ADAM7: variants seen among roughly 807,000 people sequenced by gnomAD.
ADAM7 encodes the protein disintegrin and metalloproteinase domain-containing protein 7.
In ADAM7, 97 loss-of-function variants were observed where a neutral mutation model predicts 102.9. The observed-to-expected ratio is 0.94, with a 90% CI of 0.80 to 1.12. The LOEUF (loss-of-function observed/expected upper bound fraction) is 1.12. ADAM7 is among the 50% of genes most tolerant of loss of function. ADAM7 has a pLI of 0.00. For synonymous variants in ADAM7, 334 were observed against 304.4 expected, an observed-to-expected ratio of 1.10 and a Z score of -1.01; for missense variants, 991 against 908.7, an observed-to-expected ratio of 1.09 and a Z score of -1.16.
chr8:24,500,672 G>A (rs924269170), intron 18 of ADAM7, 118 bp from the exon 19 acceptor site: 14 of 727,040 alleles, frequency 1.9e-5, no homozygotes, highest in Non-Finnish European at 2.9e-5. Flanking sequence ...GAGAGGAAAG[G>A]AGAATTGAAG....
chr8:24,468,825 G>A lies in ADAM7; in HGVS notation c.633+5G>A. On this transcript the variant is annotated splice_donor_5th_base_variant and intron_variant, in intron 7 of 21. Coordinates refer to ENST00000175238, the MANE Select transcript of ADAM7 (RefSeq NM_003817.4). ...ATTGTTGCTGATGATACTGTGGTAAGTTTTCAATAGAACATTTCTCTCTTT... is the reference window on the plus strand; with the variant it reads ...ATTGTTGCTGATGATACTGTGGTAAATTTTCAATAGAACATTTCTCTCTTT... 6.2e-7 allele frequency: 1 copy of A among 1,608,952 alleles called. No homozygotes were observed.
chr8:24,445,680 G>A (rs1207486474), intron 2 of ADAM7, among the ~76,000 whole-genome samples: 1 of 152,184 alleles, frequency 6.6e-6, no homozygotes, highest in Non-Finnish European at 1.5e-5. Context: ...AAAACACCAT[G>A]CTTGCTATGG....
At chr8:24,457,904 A>G (rs559801742) in intron 3 of ADAM7, among the ~76,000 whole-genome samples, 19 of 150,118 alleles carry the variant, frequency 1.3e-4, no homozygotes, top group African/African-American at 4.4e-4. Flanking sequence ...TTTGCTGGAG[A>G]AGTCAATATT....
In ADAM7 at chr8:24,445,610, G is replaced by A. The variant is rs530520705; in HGVS notation, c.157-1576G>A. Among the ~76,000 whole-genome samples the A allele has an allele frequency of 1.7e-4, 26 of 152,244 alleles. 1 individual carries two copies. The highest frequency in any genetic ancestry group is 7.9e-4 in the Admixed American group (12 of 15,282). On this transcript the variant is annotated intron_variant, in intron 2 of 21. Coordinates refer to ENST00000175238, the MANE Select transcript of ADAM7 (RefSeq NM_003817.4). ...TCTGCATTCATCAACAGCCTTAAATGGTTTTCCTGGCTATAGTACTGAGTT... is the reference window on the plus strand; with the variant it reads ...TCTGCATTCATCAACAGCCTTAAATAGTTTTCCTGGCTATAGTACTGAGTT...
intron 7 of ADAM7, among the ~76,000 whole-genome samples, chr8:24,473,984 T>C (rs1454478259): frequency 1.3e-5 from 2 of 152,080 alleles, no homozygotes; most frequent in Non-Finnish European, 2.9e-5. Flanking sequence ...ATAAAGTATA[T>C]TTACCAAACT....
Position 24,485,339 on chromosome 8 carries a change from A to G in ADAM7, c.938A>G (p.Tyr313Cys). 3 of 1,613,616 alleles carry G rather than the reference A, an allele frequency of 1.9e-6. No individual in the cohort carries two copies. The African/African-American group carries it at 4.0e-5, about 22-fold the overall frequency. Residue 313 changes from tyrosine to cysteine, a missense_variant, in exon 10 of 22, where the codon TAT (tyrosine) becomes TGT (cysteine). Tyr to Cys is a radical substitution (Grantham distance 194). Transcript: ENST00000175238. ...TATCCAGGGGGTATGTGCCTGCCCT[A>G]TTATTCCACCAGTATCATTAAGGTG... ...ISYPGGMCLP[Y>C]YSTSIIKDLL...
intron 3 of ADAM7, among the ~76,000 whole-genome samples, chr8:24,452,411 T>G (rs1396639544): frequency 6.7e-6 from 1 of 148,458 alleles, no homozygotes; most frequent in Non-Finnish European, 1.5e-5. Context: ...GTAATGGCCT[T>G]CTTTGTCTCT....
chr8:24,468,507 A>G (rs550261247), intron 6 of ADAM7, among the ~76,000 whole-genome samples: 1 of 152,258 alleles, frequency 6.6e-6, no homozygotes, highest in East Asian at 1.9e-4. Flanking sequence ...AAATTAAAAA[A>G]TAAAATTAAA....
rs143068519 is a variant in ADAM7, at chr8:24,466,817, C to T, written c.408C>T (p.Asn136=). The change falls in exon 6 of 22, where the codon AAC becomes AAT. Residue 136 remains asparagine, a synonymous_variant. Coordinates refer to ENST00000175238, the MANE Select transcript of ADAM7 (RefSeq NM_003817.4). ...TCTACAGGGGATTCTTCAGAATAAA[C>T]GACCAAAGATACCTCATTGAACCAG... ...CNGLRGFFRI[N]DQRYLIEPVK... The T allele has an allele frequency of 1.0e-4, 161 of 1,612,628 alleles. No homozygotes were observed. The highest frequency in any genetic ancestry group is 1.8e-4 in the Admixed American group (11 of 59,758).
At chr8:24,471,678 C>T (rs1209331668) in intron 7 of ADAM7, among the ~76,000 whole-genome samples, 1 of 152,032 alleles carries the variant, frequency 6.6e-6, no homozygotes, top group Middle Eastern at 3.4e-3. Flanking sequence ...GATGTTTGCA[C>T]AAAGAAGAAA....
intron 17 of ADAM7, 68 bp downstream of exon 17, chr8:24,499,384 A>T (rs1820669273): frequency 8.4e-7 from 1 of 1,190,590 alleles, no homozygotes; most frequent in African/African-American, 1.6e-5. Flanking sequence ...CCCAGCCTAT[A>T]TGTGCATGTA....
chr8:24,482,153 C>G lies in ADAM7; in HGVS notation c.717C>G (p.Thr239=). Reference sequence around the variant, plus strand: ...TCTTCTTTGAACAGATTTATAAAACCTTAAACATCCATGTGACGTTGGTTG... The same window carrying G: ...TCTTCTTTGAACAGATTTATAAAACGTTAAACATCCATGTGACGTTGGTTG... The part of the protein sequence containing the change: ...MVNFVNMIYK[T]LNIHVTLVGI... The change falls in exon 9 of 22, where the codon ACC becomes ACG. Residue 239 remains threonine, a synonymous_variant. Coordinates refer to ENST00000175238, the MANE Select transcript of ADAM7 (RefSeq NM_003817.4). The G allele has an allele frequency of 6.3e-7, 1 of 1,579,262 alleles. No homozygotes were observed. The highest frequency in any genetic ancestry group is 8.6e-7 in the Non-Finnish European group (1 of 1,169,308).
intron 17 of ADAM7, 122 bp from the exon 18 acceptor site, chr8:24,500,056 A>G: frequency 1.4e-6 from 1 of 694,382 alleles, no homozygotes; most frequent in Non-Finnish European, 2.2e-6. Flanking sequence ...TAAACGAATA[A>G]AAAGTTCGCG....
intron 11 of ADAM7, among the ~76,000 whole-genome samples, chr8:24,487,668 A>T (rs528879359): frequency 5.9e-5 from 9 of 152,166 alleles, no homozygotes; most frequent in African/African-American, 2.2e-4. Context: ...AAAAGAAAAA[A>T]ATATGTTTCA....
At chr8:24,501,405 A>T in intron 19 of ADAM7, 72 bp from the exon 20 acceptor site, 1 of 1,082,382 alleles carries the variant, frequency 9.2e-7, no homozygotes, top group Non-Finnish European at 1.4e-6. Context: ...ACTAAAGCTT[A>T]CTCATGAAGA....
chr8:24,442,517 A>C lies in ADAM7; in HGVS notation c.97A>C (p.Lys33Gln). 6.2e-7 allele frequency: 1 copy of C among 1,614,118 alleles called. No individual in the cohort carries two copies. The highest frequency in any genetic ancestry group is 1.3e-5 in the African/African-American group (1 of 75,038). The change falls in exon 2 of 22, where the codon AAA (lysine) becomes CAA (glutamine). Residue 33 changes from lysine to glutamine, a missense_variant. Lys to Gln is a moderately conservative substitution (Grantham distance 53). Coordinates refer to ENST00000175238, the MANE Select transcript of ADAM7 (RefSeq NM_003817.4). Reference sequence around the variant, plus strand: ...AGAGGGTCAACAACTGGTTCGTCCTAAAAAGCTTCCTCTGATACAGAAGCG... The same window carrying C: ...AGAGGGTCAACAACTGGTTCGTCCTCAAAAGCTTCCTCTGATACAGAAGCG... ...GVEGQQLVRP[K>Q]KLPLIQKRDT...
At chr8:24,498,335 G>A (rs1820629724) in intron 16 of ADAM7, among the ~76,000 whole-genome samples, 1 of 151,596 alleles carries the variant, frequency 6.6e-6, no homozygotes, top group Admixed American at 6.6e-5. Context: ...TTCTTATCTT[G>A]CAAAAGGAGG....
intron 20 of ADAM7, among the ~76,000 whole-genome samples, chr8:24,504,389 C>A (rs13273381): frequency 0.32 from 48,717 of 151,070 alleles, 7,991 homozygotes; most frequent in South Asian, 0.39. Context: ...ATATCAACAA[C>A]AATCAAGACA....
At chr8:24,446,430 C>G (rs1818561009) in intron 2 of ADAM7, among the ~76,000 whole-genome samples, 1 of 152,002 alleles carries the variant, frequency 6.6e-6, no homozygotes, top group South Asian at 2.1e-4. Flanking sequence ...TGGTGAGGTT[C>G]TAAACATGAC....
Sources: gnomAD v4.1 joint callset for allele counts (sites outside exome capture counted in the v4.1 genomes callset) on GRCh38, gnomAD v4.1.1 for gene constraint, MANE v1.5 for transcripts, NCBI Gene and HGNC (gene_info 2026-07-23, HGNC 2026-07-21) for gene names.